Variants in HERC5 observed in about 807,000 individuals in gnomAD.
HERC5 encodes HECT and RLD domain containing E3 ubiquitin protein ligase 5, also known as E3 ISG15--protein ligase HERC5.
HERC5 carries 99 observed loss-of-function variants against 119.6 expected under a neutral mutation model. The observed-to-expected ratio is 0.83, with a 90% CI of 0.70 to 0.98. The LOEUF (loss-of-function observed/expected upper bound fraction) is 0.98, where lower values mean the gene tolerates loss of function less well. HERC5 is among the 50% of genes least tolerant of loss of function. The probability of loss-of-function intolerance (pLI) is 0.00; values close to 1 mark genes in which losing one functional copy is unlikely to be tolerated. For synonymous variants in HERC5, 478 were observed against 445.9 expected (o/e 1.07, Z -0.91); for missense variants, 1,267 against 1,241.3 (o/e 1.02, Z -0.31).
At chr4:88,487,009 T>TA in intron 14 of HERC5, 60 bp from the exon 15 acceptor site, 1 of 1,165,648 alleles carries the variant, frequency 8.6e-7, no homozygotes, top group East Asian at 2.4e-5. Flanking sequence ...GGCTATGAGG[T>TA]AAAGTGTAAG....
Position 88,489,264 on chromosome 4 carries a change from G to A in HERC5, c.2061G>A (p.Arg687=). ...CCACGTTTGATCTAACAGTCAGAAG[G>A]AATCACTTGATTGAGGATGTTTTGA... The part of the protein sequence containing the change: ...LRPTFDLTVR[R]NHLIEDVLNQ... The change falls in exon 16 of 23, where the codon AGG becomes AGA. Residue 687 remains arginine (R), a synonymous_variant. Transcript: ENST00000264350. The A allele has an allele frequency of 1.2e-6, 2 of 1,614,024 alleles. No individual in the cohort carries two copies. The highest frequency in any genetic ancestry group is 1.7e-6 in the Non-Finnish European group (2 of 1,179,932).
chr4:88,472,791 A>G (rs1212673865), intron 11 of HERC5, among the ~76,000 whole-genome samples: 3 of 152,252 alleles, frequency 2.0e-5, no homozygotes, highest in Non-Finnish European at 4.4e-5. Flanking sequence ...TCAGGGCTTT[A>G]GGAAGATGAT....
rs1465368017 is a variant in HERC5, at chr4:88,493,135, T to C, written c.2257T>C (p.Cys753Arg). ...GMFMYPEGAS[C>R]MWFPVKPKFE... is the part of the protein sequence containing the mutation. ...GTTCATGTATCCTGAAGGGGCTTCC[T>C]GCATGTGGTTTCCTGTCAAGGTAAG... Residue 753 changes from cysteine to arginine, a missense_variant, in exon 17 of 23, where the codon TGC becomes CGC. Around this residue, in one of 3 missense-constraint regions of HERC5, gnomAD observed 473 missense variants for 445.7 expected, o/e 1.06. Coordinates refer to ENST00000264350, the MANE Select transcript of HERC5 (RefSeq NM_016323.4). 1.9e-6 allele frequency: 3 copies of C among 1,613,684 alleles called. No individual in the cohort carries two copies. The highest frequency in any genetic ancestry group is 1.7e-5 in the Admixed American group (1 of 59,944).
At chr4:88,484,533 A>G (rs1560608697) in intron 13 of HERC5, among the ~76,000 whole-genome samples, 1 of 152,252 alleles carries the variant, frequency 6.6e-6, no homozygotes, top group Non-Finnish European at 1.5e-5. Context: ...TTGTAATTAC[A>G]GATCCTATAG....
chr4:88,463,809 T>A (rs767143770), intron 5 of HERC5, 46 bp from the exon 6 acceptor site: 1 of 1,604,860 alleles, frequency 6.2e-7, no homozygotes. Context: ...ATACTACTTT[T>A]TTATTTTATT....
chr4:88,469,782 C>T (rs577422157), intron 9 of HERC5, among the ~76,000 whole-genome samples: 17 of 152,232 alleles, frequency 1.1e-4, no homozygotes, highest in South Asian at 6.2e-4. Context: ...AATATTTGAC[C>T]AAATATCTTG....
chr4:88,477,396 G>T (rs1392534275), intron 12 of HERC5, among the ~76,000 whole-genome samples: 2 of 65,194 alleles, frequency 3.1e-5, no homozygotes, highest in Non-Finnish European at 3.0e-5. Context: ...GGAACTGAAA[G>T]GAAAGGGGAG....
In HERC5 at chr4:88,462,290, A is replaced by T. The variant is rs955926823; in HGVS notation, c.622A>T (p.Met208Leu). ...AGAAGCCCACAGCATGGCCTTATCC[A>T]TGTCTGGCAACATTTATTCATGGGG... Reference protein sequence around the residue: ...AGEAHSMALSMSGNIYSWGKN... With the variant: ...AGEAHSMALSLSGNIYSWGKN... Residue 208 changes from methionine (M) to leucine (L), a missense_variant, in exon 4 of 23, where the codon ATG (methionine) becomes TTG (leucine). By Grantham distance (15) the Met-to-Leu change is conservative (BLOSUM62 2). This residue lies in a region of HERC5 where 777 missense variants were observed against 758.0 expected (regional missense o/e 1.03). Transcript: ENST00000264350. 9 of 1,614,088 alleles carry T rather than the reference A, an allele frequency of 5.6e-6. No individual in the cohort carries two copies. The highest frequency in any genetic ancestry group is 5.9e-6 in the Non-Finnish European group (7 of 1,180,048).
At chr4:88,474,696 A>G (rs908715805) in intron 11 of HERC5, among the ~76,000 whole-genome samples, 1 of 152,232 alleles carries the variant, frequency 6.6e-6, no homozygotes, top group African/African-American at 2.4e-5. Flanking sequence ...AAAGATCCAG[A>G]GAAATTCCCA....
chr4:88,458,005 C>T (rs1312122268), intron 1 of HERC5: 13 of 987,980 alleles, frequency 1.3e-5, no homozygotes, highest in Non-Finnish European at 1.6e-5. Flanking sequence ...AATAGTTGCC[C>T]GCGTTCTTTA....
chr4:88,491,591 G>A (rs1378362123), intron 16 of HERC5, among the ~76,000 whole-genome samples: 3 of 152,274 alleles, frequency 2.0e-5, no homozygotes, highest in Admixed American at 6.5e-5. Flanking sequence ...ATGAGTTAAC[G>A]AAATCAAGGA....
At chr4:88,459,905 A>G (rs1740356424) in intron 2 of HERC5, among the ~76,000 whole-genome samples, 190 bp from the exon 3 acceptor site, 1 of 152,158 alleles carries the variant, frequency 6.6e-6, no homozygotes, top group African/African-American at 2.4e-5. Flanking sequence ...TATTATAATT[A>G]TGTAATGCAT....
rs542998549 is a variant in HERC5, at chr4:88,474,086, T to C, written c.1392+1584T>C. Among the ~76,000 whole-genome samples the C allele has an allele frequency of 4.6e-5, 7 of 152,300 alleles. No homozygotes were observed. In the South Asian group the frequency reaches 1.4e-3, roughly 32 times the overall value. ...GCTGGGCACTGTAATGATGACTCGA[T>C]GAAGAATAAAAGAGACATACTCCCT... On this transcript the variant is annotated intron_variant, in intron 11 of 22. Transcript: ENST00000264350.
Position 88,457,295 on chromosome 4 carries a change from C to A in HERC5, c.26C>A (p.Ser9Ter). 1 of 1,359,300 alleles carries A rather than the reference C, an allele frequency of 7.4e-7. No homozygotes were observed. Among genetic ancestry groups the A allele is most frequent in the Non-Finnish European group, 9.4e-7 (1 of 1,062,290 alleles). The allele number at this position is 1,359,300 out of a possible 1,614,324, so 84.2% of individuals were successfully genotyped here. The change falls in exon 1 of 23, where the codon TCG (serine) becomes TAG (stop). Residue 9 changes from serine to a stop codon, truncating the protein, a stop_gained. Transcript: ENST00000264350. LOFTEE classifies it high-confidence loss of function. Reference protein sequence around the residue: MERRSRRKSRRNGRSTAGK... With the variant: MERRSRRK The stretch of plus-strand genomic sequence containing the variant: ...ATGGAGCGGAGGTCGCGGAGGAAGT[C>A]GCGGCGCAACGGGCGCTCGACCGCG...
At chr4:88,489,761 C>A in intron 16 of HERC5, among the ~76,000 whole-genome samples, 1 of 152,250 alleles carries the variant, frequency 6.6e-6, no homozygotes, top group South Asian at 2.1e-4. Context: ...GTAATCCCGG[C>A]GCTTTGGGAT....
chr4:88,499,472 A>T (rs536377402), intron 18 of HERC5, among the ~76,000 whole-genome samples: 1 of 152,318 alleles, frequency 6.6e-6, no homozygotes, highest in African/African-American at 2.4e-5. Flanking sequence ...GTGTTTCTTA[A>T]GCTTGATGAT....
Position 88,457,204 on chromosome 4 carries a change from G to A in HERC5, c.-66G>A. 4.8e-6 allele frequency: 6 copies of A among 1,244,366 alleles called. No homozygotes were observed. The highest frequency in any genetic ancestry group is 6.0e-6 in the Non-Finnish European group (6 of 993,032). The allele number at this position is 1,244,366 out of a possible 1,614,324, so 77.1% of individuals were successfully genotyped here. On this transcript the variant is annotated 5_prime_UTR_variant, in exon 1 of 23. Coordinates refer to ENST00000264350, the MANE Select transcript of HERC5 (RefSeq NM_016323.4). Reference sequence around the variant, plus strand: ...CAGCGCAACGCCTGAGGCAGTGGGCGCGCTCAGTCCCGGGACCAGGCGTTC... The same window carrying A: ...CAGCGCAACGCCTGAGGCAGTGGGCACGCTCAGTCCCGGGACCAGGCGTTC...
rs767764944 is a variant in HERC5 at position 88,460,107 on chromosome 4, T to G, written c.402T>G (p.Ile134Met). 1.9e-6 allele frequency: 3 copies of G among 1,572,988 alleles called. No individual in the cohort carries two copies. The highest frequency in any genetic ancestry group is 3.3e-4 in the Middle Eastern group (2 of 6,000). The change falls in exon 3 of 23, where the codon ATT (isoleucine) becomes ATG (methionine). Residue 134 changes from isoleucine to methionine, a missense_variant. Transcript: ENST00000264350. ...YSMKHLRFES[I>M]LQEKKIIQIT... Reference sequence around the variant, plus strand: ...TTTCCTTCATCAGGTTTGAAAGCATTTTACAAGAAAAAAAAATAATTCAGA... The same window carrying G: ...TTTCCTTCATCAGGTTTGAAAGCATGTTACAAGAAAAAAAAATAATTCAGA...
rs936130910 is a variant in HERC5 at position 88,473,565 on chromosome 4, G to A, written c.1392+1063G>A. 21 of 152,194 alleles carry A rather than the reference G, an allele frequency of 1.4e-4. 1 individual carries two copies. Among genetic ancestry groups the A allele is most frequent in the African/African-American group, 5.1e-4 (21 of 41,434 alleles). 9.4% of individuals were successfully genotyped at this position (152,194 alleles called of 1,614,324 possible). ...CCCCACTGGGGGTCCGAGGTGAAAT[G>A]GTTCCCTAATTATGTACCTTTATTG... On this transcript the variant is annotated intron_variant, in intron 11 of 22. Coordinates refer to ENST00000264350, the MANE Select transcript of HERC5 (RefSeq NM_016323.4).
Sources: gnomAD v4.1 joint callset for allele counts (sites outside exome capture counted in the v4.1 genomes callset) on GRCh38, gnomAD v4.1.1 for gene constraint, gnomAD v4.1.1 regional missense constraint, MANE v1.5 for transcripts, NCBI Gene and HGNC (gene_info 2026-07-23, HGNC 2026-07-21) for gene names.